Variants in NR6A1 observed in about 807,000 individuals in gnomAD.
NR6A1 encodes the protein retinoic acid receptor-related testis-associated receptor.
NR6A1 carries 7 observed loss-of-function variants against 59.1 expected under a neutral mutation model. The observed-to-expected ratio is 0.12, with a 90% CI of 0.07 to 0.22. The LOEUF (loss-of-function observed/expected upper bound fraction) is 0.22, where lower values mean the gene tolerates loss of function less well. Ranked by LOEUF, NR6A1 falls within the 10% of genes least tolerant of loss-of-function variation. NR6A1 has a pLI of 1.00. For missense variants in NR6A1, 468 were observed against 611.6 expected (o/e 0.77, Z 2.48); for synonymous variants, 243 against 236.1 (o/e 1.03, Z -0.27).
At chr9:124,766,506 T>C (rs1316173348) in intron 1 of NR6A1, among the ~76,000 whole-genome samples, 1 of 152,232 alleles carries the variant, frequency 6.6e-6, no homozygotes, top group African/African-American at 2.4e-5. Flanking sequence ...TTTCTAATTC[T>C]GACCTTTTTC....
At chr9:124,762,537 C>T (rs1490090813) in intron 1 of NR6A1, among the ~76,000 whole-genome samples, 2 of 152,156 alleles carry the variant, frequency 1.3e-5, no homozygotes. Flanking sequence ...GAAGTATTTG[C>T]TTTTTAAAGT....
At chr9:124,730,258 C>T (rs928834334) in intron 2 of NR6A1, among the ~76,000 whole-genome samples, 1 of 152,188 alleles carries the variant, frequency 6.6e-6, no homozygotes, top group African/African-American at 2.4e-5. Flanking sequence ...GAGACAGGGT[C>T]TTGCTCTGTG....
At chr9:124,696,240 G>A (rs1838756600) in intron 2 of NR6A1, among the ~76,000 whole-genome samples, 1 of 152,138 alleles carries the variant, frequency 6.6e-6, no homozygotes, top group Non-Finnish European at 1.5e-5. Flanking sequence ...ACTGGGAAGA[G>A]TCACTAAGCA....
intron 2 of NR6A1, among the ~76,000 whole-genome samples, chr9:124,579,799 T>C (rs1050836981): frequency 6.6e-6 from 1 of 151,906 alleles, no homozygotes; most frequent in South Asian, 2.1e-4. Context: ...TCACTTGAGG[T>C]CAGGAGTTGG....
At chr9:124,706,519 AT>A (rs572173571) in intron 2 of NR6A1, among the ~76,000 whole-genome samples, 164 of 146,718 alleles carry the variant, frequency 1.1e-3, no homozygotes, top group South Asian at 3.5e-3. Flanking sequence ...ACATTTAACA[AT>A]TTTTTTTTTT....
chr9:124,550,336 T>C (rs1430151008), intron 3 of NR6A1, among the ~76,000 whole-genome samples: 2 of 152,158 alleles, frequency 1.3e-5, no homozygotes, highest in Non-Finnish European at 2.9e-5. Flanking sequence ...TTAGTAGGTT[T>C]TGCTTGTCGC....
chr9:124,663,070 C>CT, intron 2 of NR6A1, among the ~76,000 whole-genome samples: 1 of 152,252 alleles, frequency 6.6e-6, no homozygotes, highest in Admixed American at 6.5e-5. Context: ...TGAATTAGGT[C>CT]TTTTTTCCAA....
chr9:124,665,202 AAAAT>A (rs1385616631), intron 2 of NR6A1, among the ~76,000 whole-genome samples: 1 of 151,642 alleles, frequency 6.6e-6, no homozygotes, highest in Non-Finnish European at 1.5e-5. Flanking sequence ...AAAAAAGAAT[AAAAT>A]AAATAAACGG....
intron 2 of NR6A1, among the ~76,000 whole-genome samples, chr9:124,723,176 C>G (rs567140311): frequency 6.6e-6 from 1 of 151,824 alleles, no homozygotes; most frequent in African/African-American, 2.4e-5. Flanking sequence ...TCTGAGTAAA[C>G]AGGAATCCAT....
chr9:124,623,297 A>G (rs919434085), intron 2 of NR6A1, among the ~76,000 whole-genome samples: 7 of 152,112 alleles, frequency 4.6e-5, no homozygotes, highest in Non-Finnish European at 1.0e-4. Context: ...CTAGGAAGGA[A>G]AGGAGATTCC....
rs79369141 is a variant in NR6A1, at chr9:124,544,100, T to C, written c.386-243A>G. Among the ~76,000 whole-genome samples, 196 of 152,378 alleles carry C rather than the reference T, an allele frequency of 1.3e-3. 1 individual carries two copies. Among genetic ancestry groups the C allele is most frequent in the African/African-American group, 4.5e-3 (187 of 41,592 alleles). ...TACTACACACACTGTATACATTCAA[T>C]ATGTTCGAAAAAGGTGATAGCACTG... On this transcript the variant is annotated intron_variant, in intron 3 of 9. Transcript: ENST00000487099.
intron 7 of NR6A1, among the ~76,000 whole-genome samples, chr9:124,532,839 T>C (rs1403312958): frequency 6.6e-6 from 1 of 152,230 alleles, no homozygotes. Flanking sequence ...GAGAACTAAA[T>C]TTCTAATTTT....
chr9:124,654,724 T>G lies in NR6A1; in HGVS notation c.142+78584A>C, dbSNP rs577745917. Among the ~76,000 whole-genome samples the G allele has an allele frequency of 6.0e-4, 91 of 152,332 alleles. 1 individual carries two copies. The South Asian group carries it at 0.018, about 31-fold the overall frequency. ...TTCTCCATCACCACACTACCCTATT[T>G]TCTTCACAGTGTAGCTTCATGTTTC... On this transcript the variant is annotated intron_variant, in intron 2 of 9. Transcript: ENST00000487099.
At chr9:124,628,109 C>A (rs1836304512) in intron 2 of NR6A1, among the ~76,000 whole-genome samples, 3 of 151,892 alleles carry the variant, frequency 2.0e-5, no homozygotes, top group Non-Finnish European at 4.4e-5. Flanking sequence ...CTCACTGCAA[C>A]CTCCGCCTCC....
chr9:124,760,621 G>C (rs549640945), intron 1 of NR6A1, among the ~76,000 whole-genome samples: 71 of 152,204 alleles, frequency 4.7e-4, no homozygotes, highest in Admixed American at 9.2e-4. Flanking sequence ...GCTGTTACTA[G>C]CTGCGAAATC....
intron 2 of NR6A1, among the ~76,000 whole-genome samples, chr9:124,729,061 T>C (rs1839809406): frequency 6.6e-6 from 1 of 152,152 alleles, no homozygotes; most frequent in African/African-American, 2.4e-5. Flanking sequence ...GCTTGTTTAG[T>C]GGGAAAAAAA....
At chr9:124,602,925 T>C (rs547535996) in intron 2 of NR6A1, among the ~76,000 whole-genome samples, 2 of 152,330 alleles carry the variant, frequency 1.3e-5, no homozygotes, top group African/African-American at 4.8e-5. Flanking sequence ...CACTTACTTA[T>C]AGTGCAAATA....
intron 2 of NR6A1, among the ~76,000 whole-genome samples, chr9:124,689,831 C>A (rs1838466013): frequency 6.6e-6 from 1 of 152,156 alleles, no homozygotes; most frequent in Admixed American, 6.5e-5. Context: ...CAGAATTAAC[C>A]CCTCTTTTCT....
At position 124,628,888 on chromosome 9, in the gene NR6A1, G is replaced by A. The variant is rs578074642; in HGVS notation, c.143-74318C>T. Reference sequence around the variant, plus strand: ...TTTCCCAGGCTGGTCTCGAACTCCCGAGTTCAGGCAATCTGCCCACCTCGG... The same window carrying A: ...TTTCCCAGGCTGGTCTCGAACTCCCAAGTTCAGGCAATCTGCCCACCTCGG... On this transcript the variant is annotated intron_variant, in intron 2 of 9. Transcript: ENST00000487099. Among the ~76,000 whole-genome samples the A allele has an allele frequency of 1.9e-4, 29 of 152,012 alleles. 1 individual carries two copies. The East Asian group carries it at 3.1e-3, about 16-fold the overall frequency.
Sources: allele counts gnomAD v4.1 joint callset (sites outside exome capture counted in the v4.1 genomes callset), GRCh38; gene constraint gnomAD v4.1.1; transcripts MANE v1.5; gene names NCBI Gene and HGNC (gene_info 2026-07-23, HGNC 2026-07-21).